ACTR3C: variants seen among roughly 807,000 people sequenced by gnomAD.
ACTR3C encodes the protein actin-related protein 3C.
In ACTR3C, 18 loss-of-function variants were observed where a neutral mutation model predicts 26.3. The ratio of observed to expected loss-of-function variants is 0.68; its 90% CI spans 0.47 to 1.01. The LOEUF (loss-of-function observed/expected upper bound fraction) is 1.01. Among genes scored for constraint, ACTR3C ranks in the 50% least tolerant of loss-of-function variants. The pLI, the probability that ACTR3C is intolerant of heterozygous loss-of-function variation, is 0.00. For missense variants in ACTR3C, 184 were observed against 250.7 expected, an observed-to-expected ratio of 0.73 and a Z score of 1.80; for synonymous variants, 55 against 94.5, an observed-to-expected ratio of 0.58 and a Z score of 2.42.
At chr7:150,170,060 GT>G in the ACTR3C span, among the ~76,000 whole-genome samples, 2 of 149,148 alleles carry the variant, frequency 1.3e-5, no homozygotes, top group Non-Finnish European at 2.9e-5. Context: ...GTGGCTCAGA[GT>G]CTCTTGAAAG....
the ACTR3C span, among the ~76,000 whole-genome samples, chr7:149,899,783 G>A: frequency 2.0e-5 from 3 of 149,780 alleles, no homozygotes; most frequent in African/African-American, 4.9e-5. Context: ...AAGAGAAAAA[G>A]AAATAAACTA....
intron 1 of ACTR3C, among the ~76,000 whole-genome samples, chr7:150,315,821 A>G (rs1796816334): frequency 6.8e-6 from 1 of 146,194 alleles, no homozygotes; most frequent in Non-Finnish European, 1.5e-5. Flanking sequence ...AAACACTCCC[A>G]ACACTATACT....
At chr7:150,306,667 C>T (rs866311132) in intron 1 of ACTR3C, among the ~76,000 whole-genome samples, 1 of 152,148 alleles carries the variant, frequency 6.6e-6, no homozygotes, top group African/African-American at 2.4e-5. Context: ...GACAACACAG[C>T]GAGACCCGGT....
chr7:150,266,008 G>A (rs987087785), intron 6 of ACTR3C, among the ~76,000 whole-genome samples: 1 of 151,288 alleles, frequency 6.6e-6, no homozygotes, highest in African/African-American at 2.4e-5. Flanking sequence ...TTAATCTGCT[G>A]TTCCTATTCC....
At chr7:149,974,653 A>T in the ACTR3C span, among the ~76,000 whole-genome samples, 4 of 152,296 alleles carry the variant, frequency 2.6e-5, no homozygotes, top group African/African-American at 9.6e-5. Flanking sequence ...TCCTTATTTT[A>T]TACCTTTGGG....
chr7:149,913,139 C>T, the ACTR3C span, among the ~76,000 whole-genome samples: 4 of 152,060 alleles, frequency 2.6e-5, no homozygotes, highest in South Asian at 2.1e-4. Flanking sequence ...CTAAAAAGTA[C>T]GCATCCTCAA....
At chr7:149,921,919 G>A in the ACTR3C span, among the ~76,000 whole-genome samples, 1 of 151,848 alleles carries the variant, frequency 6.6e-6, no homozygotes, top group Non-Finnish European at 1.5e-5. Flanking sequence ...AATTACTGAA[G>A]TACTCTTTCC....
At chr7:150,197,980 G>T in the ACTR3C span, among the ~76,000 whole-genome samples, 1 of 150,872 alleles carries the variant, frequency 6.6e-6, no homozygotes, top group Non-Finnish European at 1.5e-5. Flanking sequence ...TCAGCCTGCC[G>T]AGTGCCTGTG....
At chr7:150,223,600 A>G in the ACTR3C span, among the ~76,000 whole-genome samples, 1 of 151,894 alleles carries the variant, frequency 6.6e-6, no homozygotes, top group South Asian at 2.1e-4. Flanking sequence ...CTTGACTTAC[A>G]ATGGAGTTAC....
chr7:150,315,047 CTTTTATTA>C (rs1796723590), intron 1 of ACTR3C, among the ~76,000 whole-genome samples: 1 of 143,942 alleles, frequency 6.9e-6, no homozygotes, highest in Non-Finnish European at 1.5e-5. Context: ...TTAATAATTA[CTTTTATTA>C]TTTTATTATT....
chr7:150,166,907 G>C, the ACTR3C span, among the ~76,000 whole-genome samples: 1 of 150,074 alleles, frequency 6.7e-6, no homozygotes, highest in Non-Finnish European at 1.5e-5. Flanking sequence ...TACAATATTT[G>C]TCTTTTTGTG....
the ACTR3C span, among the ~76,000 whole-genome samples, chr7:150,108,101 C>T: frequency 9.4e-5 from 14 of 149,730 alleles, no homozygotes; most frequent in South Asian, 4.2e-4. Flanking sequence ...GTGGGTAGGA[C>T]GGATTAGATG....
intron 6 of ACTR3C, among the ~76,000 whole-genome samples, chr7:150,251,192 A>T (rs922736448): frequency 3.8e-4 from 58 of 152,190 alleles, no homozygotes; most frequent in African/African-American, 1.4e-3. Flanking sequence ...AAATATTCTC[A>T]TTTCTAATTC....
At chr7:150,001,322 A>T in the ACTR3C span, 58 of 152,216 alleles carry the variant, frequency 3.8e-4, no homozygotes, top group African/African-American at 1.4e-3. Flanking sequence ...CTCTGCTTTG[A>T]TCCTACACAG....
the ACTR3C span, among the ~76,000 whole-genome samples, chr7:149,962,525 C>T: frequency 2.0e-5 from 3 of 151,942 alleles, no homozygotes; most frequent in Admixed American, 1.3e-4. Context: ...AGGCCATGTC[C>T]CCGCCATGTC....
At chr7:150,029,174 C>T in the ACTR3C span, among the ~76,000 whole-genome samples, 4 of 152,014 alleles carry the variant, frequency 2.6e-5, no homozygotes, top group African/African-American at 7.3e-5. Flanking sequence ...AATGTTGACA[C>T]CCCTAAGGGC....
the ACTR3C span, among the ~76,000 whole-genome samples, chr7:150,177,549 T>C: frequency 2.6e-5 from 4 of 151,002 alleles, no homozygotes; most frequent in African/African-American, 9.9e-5. Context: ...TTCCTCATTA[T>C]TTCTACTTCA....
chr7:150,321,959 T>C (rs1026208288), intron 1 of ACTR3C, among the ~76,000 whole-genome samples: 8 of 152,128 alleles, frequency 5.3e-5, no homozygotes, highest in Non-Finnish European at 1.2e-4. Context: ...CCCTTGAATA[T>C]GTCCAACTGA....
chr7:150,060,193 A>G, the ACTR3C span, among the ~76,000 whole-genome samples: 1 of 152,142 alleles, frequency 6.6e-6, no homozygotes, highest in Non-Finnish European at 1.5e-5. Context: ...AGCCACTAAC[A>G]GATTCTACAT....
Sources: gnomAD v4.1 joint callset for allele counts (sites outside exome capture counted in the v4.1 genomes callset) on GRCh38, gnomAD v4.1.1 for gene constraint, MANE v1.5 for transcripts, NCBI Gene and HGNC (gene_info 2026-07-23, HGNC 2026-07-21) for gene names.